Variants in HIPK3 observed in about 807,000 individuals in gnomAD.
HIPK3 encodes homeodomain interacting protein kinase 3.
Under a neutral mutation model 124.2 loss-of-function variants are expected in HIPK3, and 47 were observed. That is an observed-to-expected ratio of 0.38 (90% CI 0.30 to 0.48). The LOEUF (loss-of-function observed/expected upper bound fraction) is 0.48, where lower values mean the gene tolerates loss of function less well. HIPK3 is among the 20% of genes least tolerant of loss of function. The pLI, the probability that HIPK3 is intolerant of heterozygous loss-of-function variation, is 0.98. For synonymous variants in HIPK3, 482 were observed against 515.2 expected, an observed-to-expected ratio of 0.94 and a Z score of 0.87; for missense variants, 1,286 against 1,454.3, an observed-to-expected ratio of 0.88 and a Z score of 1.88.
intron 2 of HIPK3, among the ~76,000 whole-genome samples, chr11:33,304,335 A>G (rs1385478060): frequency 2.0e-5 from 3 of 152,192 alleles, no homozygotes; most frequent in East Asian, 1.9e-4. Flanking sequence ...AGGCGGGTGA[A>G]TCACCTGAAT....
At chr11:33,272,247 A>G (rs1376405960) in intron 1 of HIPK3, among the ~76,000 whole-genome samples, 1 of 152,108 alleles carries the variant, frequency 6.6e-6, no homozygotes. Flanking sequence ...AAAATTCGAA[A>G]GATTAGCTGG....
At chr11:33,285,848 T>C (rs1403790778) in intron 1 of HIPK3, among the ~76,000 whole-genome samples, 2 of 152,040 alleles carry the variant, frequency 1.3e-5, no homozygotes, top group Non-Finnish European at 2.9e-5. Context: ...CTCGGCTCAC[T>C]GCAACCTCCA....
Position 33,257,893 on chromosome 11 carries a change from A to G in HIPK3, c.-3+4A>G. 1.0e-6 allele frequency: 1 copy of G among 985,536 alleles called. No individual in the cohort carries two copies. The highest frequency in any genetic ancestry group is 1.2e-6 in the Non-Finnish European group (1 of 830,120). The allele number at this position is 985,536 out of a possible 1,614,324, so 61.0% of individuals were successfully genotyped here. A position where few individuals can be genotyped will look rare whatever the true frequency, so the allele number is the denominator to read the frequency against. On this transcript the variant is annotated splice_donor_region_variant and intron_variant, in intron 1 of 16. Transcript: ENST00000303296. ...GAGAGCGCGGGCCTCTAGGAAGGTA[A>G]GGGAGTCGAGCGAGGGGCGCCGCCA...
chr11:33,320,881 C>T (rs1852644084), intron 2 of HIPK3, among the ~76,000 whole-genome samples: 1 of 152,048 alleles, frequency 6.6e-6, no homozygotes, highest in Non-Finnish European at 1.5e-5. Context: ...CAATTGGATT[C>T]ACAAGTCTGG....
intron 2 of HIPK3, among the ~76,000 whole-genome samples, chr11:33,306,972 T>G (rs867711259): frequency 1.3e-5 from 2 of 148,902 alleles, no homozygotes; most frequent in Non-Finnish European, 3.0e-5. Context: ...GGAATCTCAC[T>G]CTGTCGCCCA....
chr11:33,310,168 T>A (rs1034399753), intron 2 of HIPK3, among the ~76,000 whole-genome samples: 1 of 152,220 alleles, frequency 6.6e-6, no homozygotes, highest in African/African-American at 2.4e-5. Flanking sequence ...TGAAAAATTC[T>A]TGACACGTGC....
chr11:33,274,153 A>G (rs1350087207), intron 1 of HIPK3, among the ~76,000 whole-genome samples: 1 of 152,080 alleles, frequency 6.6e-6, no homozygotes, highest in African/African-American at 2.4e-5. Context: ...TTGTTGGCAG[A>G]TTTTTTCCTT....
At chr11:33,272,291 C>G (rs1025576771) in intron 1 of HIPK3, among the ~76,000 whole-genome samples, 4 of 151,796 alleles carry the variant, frequency 2.6e-5, no homozygotes, top group African/African-American at 9.7e-5. Flanking sequence ...CCCAGCTACT[C>G]AGGAGGCTGA....
At chr11:33,314,178 G>T (rs1852428205) in intron 2 of HIPK3, among the ~76,000 whole-genome samples, 1 of 152,184 alleles carries the variant, frequency 6.6e-6, no homozygotes, top group African/African-American at 2.4e-5. Context: ...ATGGTGGTGA[G>T]GAGCTTGGAC....
At chr11:33,305,213 G>T (rs779617831) in intron 2 of HIPK3, among the ~76,000 whole-genome samples, 1 of 152,004 alleles carries the variant, frequency 6.6e-6, no homozygotes, top group African/African-American at 2.4e-5. Flanking sequence ...CGTTGGCCAG[G>T]TTGGTCTCGA....
chr11:33,279,570 A>G (rs1851360466), intron 1 of HIPK3, among the ~76,000 whole-genome samples: 1 of 152,152 alleles, frequency 6.6e-6, no homozygotes, highest in African/African-American at 2.4e-5. Flanking sequence ...GGGTGTCAAT[A>G]TTGATTACAT....
intron 1 of HIPK3, among the ~76,000 whole-genome samples, chr11:33,268,591 C>CAAAAAAAAAAAAAAAAAAAAAAAAAAA (rs35408664): frequency 2.6e-5 from 2 of 76,032 alleles, no homozygotes; most frequent in Non-Finnish European, 5.0e-5. Context: ...ACTCCGTCAC[C>CAAAAAAAAAAAAAAAAAAAAAAAAAAA]AAAAAAAAAA....
At chr11:33,350,715 T>G (rs992743046) in intron 14 of HIPK3, among the ~76,000 whole-genome samples, 13 of 151,826 alleles carry the variant, frequency 8.6e-5, no homozygotes, top group South Asian at 2.1e-4. Flanking sequence ...AAGAAAGAAA[T>G]AAAGTCTTAT....
intron 2 of HIPK3, among the ~76,000 whole-genome samples, chr11:33,295,607 A>G (rs970029286): frequency 3.3e-5 from 5 of 152,208 alleles, no homozygotes; most frequent in African/African-American, 9.7e-5. Flanking sequence ...AGCTCCTTAC[A>G]TCTTTCTTTG....
Position 33,286,436 on chromosome 11 carries a change from T to A in HIPK3, c.22T>A (p.Tyr8Asn). MASQVLV[Y>N]PPYVYQTQSS... ...AGGTATGGCCTCACAAGTCTTGGTCTACCCACCATATGTTTATCAAACTCA... is the reference window on the plus strand; with the variant it reads ...AGGTATGGCCTCACAAGTCTTGGTCAACCCACCATATGTTTATCAAACTCA... The change falls in exon 2 of 17, where the codon TAC (tyrosine) becomes AAC (asparagine). Residue 8 changes from tyrosine to asparagine, a missense_variant. Physicochemically the swap from Tyr to Asn is moderately radical, Grantham distance 143. This residue lies in a region of HIPK3 where 225 missense variants were observed against 240.3 expected (regional missense o/e 0.94). Transcript: ENST00000303296. The A allele has an allele frequency of 6.3e-7, 1 of 1,584,078 alleles. No homozygotes were observed. The highest frequency in any genetic ancestry group is 8.6e-7 in the Non-Finnish European group (1 of 1,161,696).
chr11:33,319,484 G>A (rs1469789262), intron 2 of HIPK3, among the ~76,000 whole-genome samples: 1 of 140,308 alleles, frequency 7.1e-6, no homozygotes, highest in Non-Finnish European at 1.5e-5. Flanking sequence ...CAAAAAGAGC[G>A]AAACTCCATC....
intron 2 of HIPK3, among the ~76,000 whole-genome samples, chr11:33,313,858 T>A (rs910309250): frequency 5.3e-5 from 8 of 152,134 alleles, no homozygotes; most frequent in South Asian, 2.1e-4. Context: ...TTATTTATTT[T>A]TTTAAATTTT....
intron 2 of HIPK3, among the ~76,000 whole-genome samples, chr11:33,288,313 G>A (rs1851610046): frequency 6.6e-6 from 1 of 152,068 alleles, no homozygotes; most frequent in Non-Finnish European, 1.5e-5. Context: ...AAATTAGCTG[G>A]GTGTGGTGGT....
chr11:33,269,355 G>A (rs1851060198), intron 1 of HIPK3, among the ~76,000 whole-genome samples: 1 of 152,082 alleles, frequency 6.6e-6, no homozygotes, highest in South Asian at 2.1e-4. Flanking sequence ...CCTCTCTCAA[G>A]GAAAGAAACA....
Sources: gnomAD v4.1 joint callset for allele counts (sites outside exome capture counted in the v4.1 genomes callset) on GRCh38, gnomAD v4.1.1 for gene constraint, gnomAD v4.1.1 regional missense constraint, MANE v1.5 for transcripts, NCBI Gene and HGNC (gene_info 2026-07-23, HGNC 2026-07-21) for gene names.